The following RBBP8 variants were observed in gnomAD, a reference collection of about 807,000 sequenced individuals.
RBBP8 encodes the protein RB binding protein 8, endonuclease.
RBBP8 carries 88 observed loss-of-function variants against 108.3 expected under a neutral mutation model. The ratio of observed to expected loss-of-function variants is 0.81; its 90% confidence interval spans 0.68 to 0.97. The LOEUF is 0.97. RBBP8 is among the 50% of genes least tolerant of loss of function. RBBP8 has a pLI of 0.00. For synonymous variants in RBBP8, 332 were observed against 348.2 expected (o/e 0.95, Z 0.52); for missense variants, 1,023 against 1,049.0 (o/e 0.98, Z 0.34).
At chr18:23,022,669 A>AAATAAT (rs1278052195) in intron 18 of RBBP8, among the ~76,000 whole-genome samples, 1 of 141,050 alleles carries the variant, frequency 7.1e-6, no homozygotes, top group Non-Finnish European at 1.5e-5. Flanking sequence ...AAAATAAAAT[A>AAATAAT]AATAACTGTA....
At chr18:22,927,347 C>T (rs1909826665) in intron 3 of RBBP8, among the ~76,000 whole-genome samples, 1 of 152,154 alleles carries the variant, frequency 6.6e-6, no homozygotes, top group African/African-American at 2.4e-5. Flanking sequence ...ATGCAGGGAG[C>T]AGGACAGAGA....
intron 6 of RBBP8, among the ~76,000 whole-genome samples, chr18:22,979,086 G>A (rs1567973966): frequency 6.6e-6 from 1 of 152,050 alleles, no homozygotes; most frequent in East Asian, 1.9e-4. Flanking sequence ...GGGCAACATG[G>A]TAAAACCCTG....
intron 12 of RBBP8, among the ~76,000 whole-genome samples, chr18:22,995,539 TACA>T (rs2144718287): frequency 6.6e-6 from 1 of 152,374 alleles, no homozygotes; most frequent in Admixed American, 6.5e-5. Context: ...AGTCTAGGTT[TACA>T]ACATTTTCAT....
chr18:23,002,050 T>C (rs184201999), intron 15 of RBBP8, among the ~76,000 whole-genome samples: 31 of 152,310 alleles, frequency 2.0e-4, no homozygotes, highest in African/African-American at 7.0e-4. Context: ...ATAAAATTGA[T>C]AAAATTTTTG....
chr18:22,957,231 C>G (rs1037055656), intron 4 of RBBP8, among the ~76,000 whole-genome samples: 2 of 148,190 alleles, frequency 1.3e-5, no homozygotes, highest in African/African-American at 5.0e-5. Context: ...TGTGTGCTTT[C>G]ATAGTACTCT....
chr18:22,937,707 G>T (rs937911140), intron 2 of RBBP8, among the ~76,000 whole-genome samples: 12 of 151,966 alleles, frequency 7.9e-5, no homozygotes, highest in African/African-American at 2.7e-4. Flanking sequence ...TGAACTCCTG[G>T]CCTCAAGTGA....
chr18:23,026,188 G>T lies in RBBP8; in HGVS notation c.2642G>T (p.Arg881Leu). ...DLDPCPRPKR[R>L]QPYNAIFSPK... ...GATCCTTGTCCTCGTCCAAAAAGAC[G>T]TCAGCCTTACAACGCAATATTTTCT... Residue 881 changes from arginine (R) to leucine (L), a missense_variant, in exon 19 of 19, where the codon CGT becomes CTT. Arg to Leu is a moderately radical substitution (Grantham distance 102). Coordinates refer to ENST00000327155, the MANE Select transcript of RBBP8 (RefSeq NM_002894.3). 6.2e-7 allele frequency: 1 copy of T among 1,613,768 alleles called. No homozygotes were observed.
In RBBP8 at chr18:23,010,413, G is replaced by T. The variant is rs146090144; in HGVS notation, c.2357+3981G>T. Among the ~76,000 whole-genome samples the T allele has an allele frequency of 6.0e-4, 91 of 152,128 alleles. 1 individual carries two copies. In the East Asian group the frequency reaches 0.017, roughly 28 times the overall value. On this transcript the variant is annotated intron_variant, in intron 16 of 18. Transcript: ENST00000327155. ...GCCCAGGAGTTTGAGACCAGCCTGG[G>T]CAACACAGTGAGACCTCGTCTCTAC... is the stretch of plus-strand genomic sequence containing the variant.
At chr18:22,917,263 G>A (rs1009426051) in intron 3 of RBBP8, among the ~76,000 whole-genome samples, 4 of 152,092 alleles carry the variant, frequency 2.6e-5, no homozygotes, top group Admixed American at 6.5e-5. Context: ...GAAAAAAATC[G>A]CTTTCATTTG....
chr18:22,974,379 C>T (rs1262652493), intron 5 of RBBP8, among the ~76,000 whole-genome samples: 1 of 152,110 alleles, frequency 6.6e-6, no homozygotes, highest in African/African-American at 2.4e-5. Context: ...TTCATGAAAC[C>T]TAGAGTATGA....
At chr18:22,998,318 T>C (rs2045894320) in intron 14 of RBBP8, among the ~76,000 whole-genome samples, 2 of 152,196 alleles carry the variant, frequency 1.3e-5, no homozygotes, top group Non-Finnish European at 2.9e-5. Flanking sequence ...GTGTATATGC[T>C]GAGTTAATCT....
intron 6 of RBBP8, among the ~76,000 whole-genome samples, chr18:22,975,574 T>C (rs1012417350): frequency 1.3e-5 from 2 of 152,146 alleles, no homozygotes; most frequent in Non-Finnish European, 2.9e-5. Flanking sequence ...AAGTGTTTCC[T>C]CTTATATAGT....
At chr18:22,919,152 T>C (rs974539399) in intron 3 of RBBP8, among the ~76,000 whole-genome samples, 1 of 152,192 alleles carries the variant, frequency 6.6e-6, no homozygotes, top group Non-Finnish European at 1.5e-5. Context: ...ATGAAGCCGA[T>C]GAGCAAAGAT....
intron 3 of RBBP8, among the ~76,000 whole-genome samples, chr18:22,948,345 A>G (rs967368477): frequency 2.6e-5 from 4 of 151,896 alleles, no homozygotes; most frequent in Non-Finnish European, 5.9e-5. Flanking sequence ...AATTAAATAT[A>G]TTTTCTAGAA....
intron 18 of RBBP8, among the ~76,000 whole-genome samples, chr18:23,023,324 G>A (rs1001686029): frequency 6.6e-5 from 10 of 152,124 alleles, no homozygotes; most frequent in African/African-American, 2.2e-4. Context: ...CCAGAATGCT[G>A]GATGTTTATA....
intron 18 of RBBP8, among the ~76,000 whole-genome samples, chr18:23,022,686 C>T (rs1568010758): frequency 7.8e-6 from 1 of 127,428 alleles, no homozygotes; most frequent in Admixed American, 7.9e-5. Context: ...TGTATATGCC[C>T]AAATGTGAAC....
At chr18:22,955,269 C>T (rs191585374) in intron 4 of RBBP8, among the ~76,000 whole-genome samples, 131 of 152,176 alleles carry the variant, frequency 8.6e-4, no homozygotes, top group South Asian at 1.9e-3. Flanking sequence ...GGATATGTAG[C>T]TCGTTGTTTT....
chr18:22,924,782 T>C (rs1909728771), intron 3 of RBBP8, among the ~76,000 whole-genome samples: 2 of 152,172 alleles, frequency 1.3e-5, no homozygotes, highest in Non-Finnish European at 2.9e-5. Context: ...AAGTGAGCTG[T>C]ATTAATAATT....
intron 3 of RBBP8, among the ~76,000 whole-genome samples, chr18:22,926,331 G>A (rs999567793): frequency 3.3e-5 from 5 of 152,194 alleles, no homozygotes; most frequent in African/African-American, 9.6e-5. Context: ...GCTGAGGCAG[G>A]AGAATCACTT....
Sources: gnomAD v4.1 joint callset for allele counts (sites outside exome capture counted in the v4.1 genomes callset) on GRCh38, gnomAD v4.1.1 for gene constraint, MANE v1.5 for transcripts, NCBI Gene and HGNC (gene_info 2026-07-23, HGNC 2026-07-21) for gene names.